The following ADGRE3 variants were observed in gnomAD, a reference collection of about 807,000 sequenced individuals.
The protein encoded by ADGRE3 is adhesion G protein-coupled receptor E3.
ADGRE3 carries 88 observed loss-of-function variants against 80.1 expected under a neutral mutation model. The ratio of observed to expected loss-of-function variants is 1.10; its 90% CI spans 0.93 to 1.31. ADGRE3 has a LOEUF of 1.31. ADGRE3 is among the 40% of genes most tolerant of loss of function. ADGRE3 has a pLI of 0.00. For missense variants in ADGRE3, 715 were observed against 776.5 expected, an observed-to-expected ratio of 0.92 and a Z score of 0.94; for synonymous variants, 281 against 294.8, an observed-to-expected ratio of 0.95 and a Z score of 0.48.
chr19:14,641,324 C>A, intron 10 of ADGRE3, 95 bp downstream of exon 10: 1 of 1,488,770 alleles, frequency 6.7e-7, no homozygotes, highest in East Asian at 2.3e-5. Flanking sequence ...TCTACAGACC[C>A]AAGGACATTT....
intron 13 of ADGRE3, among the ~76,000 whole-genome samples, chr19:14,632,667 G>A (rs908593766): frequency 5.9e-5 from 9 of 151,868 alleles, no homozygotes; most frequent in African/African-American, 2.2e-4. Context: ...GCCCTGAACT[G>A]GTCACTTCTG....
At position 14,644,183 on chromosome 19, in the gene ADGRE3, G is replaced by C. The variant is rs758456635; in HGVS notation, c.975C>G (p.His325Gln). The C allele has an allele frequency of 1.2e-6, 2 of 1,609,312 alleles. No homozygotes were observed. Among genetic ancestry groups the C allele is most frequent in the Non-Finnish European group, 1.7e-6 (2 of 1,177,920 alleles). Residue 325 changes from histidine to glutamine, a missense_variant, in exon 9 of 16, where the codon CAC (histidine) becomes CAG (glutamine). Physicochemically the swap from His to Gln is conservative, Grantham distance 24. Transcript: ENST00000253673. ...TACACATGGTGTGACTCTTGTTCACGTGTATCAGGAAGCAGCCATCCCTGG... is the reference window on the plus strand; with the variant it reads ...TACACATGGTGTGACTCTTGTTCACCTGTATCAGGAAGCAGCCATCCCTGG... ...QWSRDGCFLI[H>Q]VNKSHTMCNC...
chr19:14,627,808 T>C (rs1208074765), intron 14 of ADGRE3, among the ~76,000 whole-genome samples: 4 of 152,088 alleles, frequency 2.6e-5, no homozygotes, highest in African/African-American at 9.7e-5. Context: ...AGTAGCCATA[T>C]GAAATAAAAC....
the ADGRE3 span, among the ~76,000 whole-genome samples, chr19:14,607,269 A>G: frequency 6.6e-6 from 1 of 151,598 alleles, no homozygotes; most frequent in Non-Finnish European, 1.5e-5. Flanking sequence ...CAGTGGCGCA[A>G]TCTCAGCTCA....
intron 8 of ADGRE3, among the ~76,000 whole-genome samples, chr19:14,645,634 G>A (rs1971379489): frequency 1.3e-5 from 2 of 151,716 alleles, no homozygotes; most frequent in Admixed American, 6.6e-5. Context: ...ACTTCAGCCT[G>A]GGCGACAGAG....
At chr19:14,602,540 G>A in the ADGRE3 span, among the ~76,000 whole-genome samples, 1,846 of 151,454 alleles carry the variant, frequency 0.012, 36 homozygotes, top group African/African-American at 0.042. Flanking sequence ...GTGATCTGCC[G>A]CCTTCACCTC....
At chr19:14,617,462 A>G (rs1266549873), downstream of ADGRE3, among the ~76,000 whole-genome samples, 1 of 149,148 alleles carries the variant, frequency 6.7e-6, no homozygotes, top group Non-Finnish European at 1.5e-5. Flanking sequence ...CAATGGCATG[A>G]TATTGACTCA....
At chr19:14,609,970 C>G in the ADGRE3 span, 3 of 923,302 alleles carry the variant, frequency 3.2e-6, no homozygotes, top group African/African-American at 4.9e-5. Context: ...TTGCCAAATG[C>G]GTAGTGCCAG....
In ADGRE3 at chr19:14,630,159, T is replaced by C. The variant is rs765853984; in HGVS notation, c.1692A>G (p.Thr564=). 12 of 1,613,096 alleles carry C rather than the reference T, an allele frequency of 7.4e-6. No homozygotes were observed. The highest frequency in any genetic ancestry group is 9.3e-6 in the Non-Finnish European group (11 of 1,179,416). Residue 564 remains threonine, a synonymous_variant, in exon 14 of 16, where the codon ACA becomes ACG. Transcript: ENST00000253673. The part of the protein sequence containing the change: ...ATAQLFILGC[T]WCLGLLQVGP... ...CCACCTGTAGCAAGCCCAGACACCA[T>C]GTGCAGCCCAGGATGAAGAGCTGAG...
At position 14,665,942 on chromosome 19, in the gene ADGRE3, A is replaced by ATATGCATACATATAT. The variant is rs1262500113; in HGVS notation, c.77-2403_77-2402insATATATGTATGCATA. 5.8e-4 allele frequency among the ~76,000 whole-genome samples: 56 copies of ATATGCATACATATAT among 95,788 alleles called. 6 individuals are homozygous for ATATGCATACATATAT. Among genetic ancestry groups the ATATGCATACATATAT allele is most frequent in the African/African-American group, 2.2e-3 (52 of 24,144 alleles). The allele number at this position is 95,788 out of a possible 152,430, so 62.8% of individuals were successfully genotyped here. On this transcript the variant is annotated intron_variant, in intron 2 of 15. Transcript: ENST00000253673. ...TGCATATACACACATATGTGTATAT[A>ATATGCATACATATAT]TATATATATATATATATATATATAT...
At chr19:14,674,640 T>A (rs1599661410) in intron 1 of ADGRE3, 106 bp downstream of exon 1, 2 of 1,112,684 alleles carry the variant, frequency 1.8e-6, no homozygotes, top group Admixed American at 4.4e-5. Context: ...AAGGTGAGAG[T>A]GTTCAGAGCA....
chr19:14,610,076 A>T, the ADGRE3 span: 2 of 1,613,412 alleles, frequency 1.2e-6, no homozygotes, highest in Non-Finnish European at 1.7e-6. Flanking sequence ...TCTGGGAGCC[A>T]GAGGAACCCA....
intron 11 of ADGRE3, among the ~76,000 whole-genome samples, chr19:14,636,912 G>A (rs575957278): frequency 2.6e-5 from 4 of 152,134 alleles, no homozygotes; most frequent in African/African-American, 7.2e-5. Context: ...TGGTCAACAT[G>A]GTGAAACCCC....
intron 2 of ADGRE3, among the ~76,000 whole-genome samples, chr19:14,664,885 C>G (rs1193123855): frequency 1.3e-5 from 2 of 151,928 alleles, no homozygotes; most frequent in Non-Finnish European, 2.9e-5. Flanking sequence ...TCTGAGCTGT[C>G]TACTGCTTAT....
downstream of ADGRE3, among the ~76,000 whole-genome samples, chr19:14,614,756 T>C (rs7508421): frequency 0.28 from 43,053 of 151,814 alleles, 6,497 homozygotes; most frequent in Non-Finnish European, 0.34. Flanking sequence ...TTCGTATTTT[T>C]ACTAGAGATG....
In ADGRE3 at chr19:14,653,255, G is replaced by A. The variant is rs2146873351; in HGVS notation, c.577+1727C>T. ...AGCCTCCAAAAGTGCTAGGATTACAGGATGAGCCACCTCATCCTGCCCACA... is the reference window on the plus strand; with the variant it reads ...AGCCTCCAAAAGTGCTAGGATTACAAGATGAGCCACCTCATCCTGCCCACA... On this transcript the variant is annotated intron_variant, in intron 6 of 15. Coordinates refer to ENST00000253673, the MANE Select transcript of ADGRE3 (RefSeq NM_032571.5). Among the ~76,000 whole-genome samples the A allele has an allele frequency of 1.3e-5, 2 of 152,146 alleles. 1 individual carries two copies. The highest frequency in any genetic ancestry group is 4.1e-4 in the South Asian group (2 of 4,826).
chr19:14,615,686 C>T (rs927075277), downstream of ADGRE3, among the ~76,000 whole-genome samples: 57 of 149,820 alleles, frequency 3.8e-4, no homozygotes, highest in East Asian at 2.1e-4. Context: ...TGCTTGAACC[C>T]GGGAGGCGAA....
chr19:14,616,784 T>C (rs1489662044), downstream of ADGRE3, among the ~76,000 whole-genome samples: 2 of 124,432 alleles, frequency 1.6e-5, no homozygotes, highest in African/African-American at 6.0e-5. Context: ...AACAAGCTTT[T>C]TTCTAGAATT....
At chr19:14,640,082 T>C (rs1971208117) in intron 10 of ADGRE3, among the ~76,000 whole-genome samples, 1 of 152,204 alleles carries the variant, frequency 6.6e-6, no homozygotes, top group African/African-American at 2.4e-5. Flanking sequence ...GATCATGCAC[T>C]GTTTGTCTTT....
Sources: allele counts gnomAD v4.1 joint callset (sites outside exome capture counted in the v4.1 genomes callset), GRCh38; gene constraint gnomAD v4.1.1; transcripts MANE v1.5; gene names NCBI Gene and HGNC (gene_info 2026-07-23, HGNC 2026-07-21).